The following RIMS2 variants were observed in gnomAD, a reference collection of about 807,000 sequenced individuals.
RIMS2 encodes the protein regulating synaptic membrane exocytosis 2, also known as regulating synaptic membrane exocytosis protein 2.
A neutral mutation model predicts 174.4 loss-of-function variants in RIMS2; 59 were observed. That is an observed-to-expected ratio of 0.34 (90% CI 0.27 to 0.42). The LOEUF is 0.42. Ranked by LOEUF, RIMS2 falls within the 10% of genes least tolerant of loss-of-function variation. RIMS2 has a pLI of 1.00. For missense variants in RIMS2, 1,620 were observed against 1,666.3 expected, an observed-to-expected ratio of 0.97 and a Z score of 0.48; for synonymous variants, 606 against 572.5, an observed-to-expected ratio of 1.06 and a Z score of -0.84.
chr8:103,544,579 C>T (rs2131359522), intron 1 of RIMS2, among the ~76,000 whole-genome samples: 1 of 152,354 alleles, frequency 6.6e-6, no homozygotes, highest in South Asian at 2.1e-4. Flanking sequence ...GCTAGAGCTT[C>T]CAGCCCAGTG....
chr8:104,223,040 T>TA (rs576054560), intron 19 of RIMS2, among the ~76,000 whole-genome samples: 19 of 152,074 alleles, frequency 1.2e-4, no homozygotes, highest in African/African-American at 2.7e-4. Context: ...TGAGGAGCGT[T>TA]AAAAAAAACT....
chr8:103,546,858 A>G (rs1303709263), intron 1 of RIMS2, among the ~76,000 whole-genome samples: 3 of 152,180 alleles, frequency 2.0e-5, no homozygotes, highest in Non-Finnish European at 2.9e-5. Flanking sequence ...CTTTCTGACC[A>G]GCTTTGCTTT....
At chr8:103,827,359 T>C (rs2098797697) in intron 3 of RIMS2, among the ~76,000 whole-genome samples, 1 of 152,230 alleles carries the variant, frequency 6.6e-6, no homozygotes, top group Non-Finnish European at 1.5e-5. Context: ...TTCTAATAGT[T>C]GCTTTGTAGA....
chr8:103,538,234 C>T (rs1840748666), intron 1 of RIMS2, among the ~76,000 whole-genome samples: 1 of 152,112 alleles, frequency 6.6e-6, no homozygotes, highest in African/African-American at 2.4e-5. Flanking sequence ...GCTTTTCTTT[C>T]TGTTTCTTCT....
intron 10 of RIMS2, among the ~76,000 whole-genome samples, chr8:103,926,166 T>C (rs1047059381): frequency 4.6e-5 from 7 of 151,548 alleles, no homozygotes; most frequent in African/African-American, 1.2e-4. Context: ...CTTGTAAAAA[T>C]ATTCTGTAAC....
chr8:104,006,407 G>A (rs181340184), intron 17 of RIMS2, among the ~76,000 whole-genome samples: 212 of 151,970 alleles, frequency 1.4e-3, no homozygotes, highest in African/African-American at 4.9e-3. Flanking sequence ...AAAATTAGCC[G>A]GGCGTGGTGG....
intron 16 of RIMS2, chr8:103,976,979 A>G (rs751673502): frequency 2.6e-5 from 4 of 152,248 alleles, no homozygotes; most frequent in Non-Finnish European, 5.9e-5. Flanking sequence ...AGTTGAAGCT[A>G]ACAAGAAATA....
intron 2 of RIMS2, among the ~76,000 whole-genome samples, chr8:103,733,348 C>T (rs1251853907): frequency 6.6e-6 from 1 of 152,024 alleles, no homozygotes; most frequent in Non-Finnish European, 1.5e-5. Context: ...AACGAAGTCT[C>T]TCCCAGTAGT....
chr8:103,822,927 A>G (rs986195312), intron 3 of RIMS2, among the ~76,000 whole-genome samples: 2 of 151,956 alleles, frequency 1.3e-5, no homozygotes, highest in East Asian at 1.9e-4. Context: ...TTGGAAGCAA[A>G]CATAAATATT....
intron 3 of RIMS2, among the ~76,000 whole-genome samples, chr8:103,827,319 T>C (rs767527714): frequency 4.5e-4 from 68 of 152,348 alleles, no homozygotes; most frequent in Non-Finnish European, 1.3e-4. Context: ...TAACCTTTTA[T>C]CTTTTAACCT....
intron 19 of RIMS2, among the ~76,000 whole-genome samples, chr8:104,033,807 T>A (rs570776055): frequency 2.0e-5 from 3 of 152,226 alleles, no homozygotes; most frequent in African/African-American, 7.2e-5. Flanking sequence ...TAAAGAATAT[T>A]TTTAATTATC....
At chr8:104,146,117 G>A (rs1399138496) in intron 19 of RIMS2, among the ~76,000 whole-genome samples, 1 of 145,560 alleles carries the variant, frequency 6.9e-6, no homozygotes, top group Non-Finnish European at 1.5e-5. Flanking sequence ...GTAATCCCAG[G>A]ACTTTGAGAG....
chr8:103,592,924 T>G (rs10105750), intron 1 of RIMS2, among the ~76,000 whole-genome samples: 2 of 151,186 alleles, frequency 1.3e-5, no homozygotes. Context: ...CTTCTACATA[T>G]TGGAGAATGA....
At chr8:103,946,741 A>G (rs2083901593) in intron 14 of RIMS2, among the ~76,000 whole-genome samples, 1 of 152,156 alleles carries the variant, frequency 6.6e-6, no homozygotes, top group Non-Finnish European at 1.5e-5. Flanking sequence ...TAAGCAGGAT[A>G]TTTTGCTGAA....
At chr8:104,179,651 A>C (rs1317741438) in intron 19 of RIMS2, among the ~76,000 whole-genome samples, 1 of 151,908 alleles carries the variant, frequency 6.6e-6, no homozygotes, top group East Asian at 1.9e-4. Flanking sequence ...GTAAAATAAC[A>C]GCAAATTATT....
intron 19 of RIMS2, among the ~76,000 whole-genome samples, chr8:104,135,173 T>C (rs182892116): frequency 6.6e-6 from 1 of 152,218 alleles, no homozygotes; most frequent in Admixed American, 6.5e-5. Context: ...GGTGAGAGAT[T>C]TGAATAGCAT....
At chr8:103,974,469 A>G (rs1271427390) in intron 15 of RIMS2, among the ~76,000 whole-genome samples, 1 of 152,124 alleles carries the variant, frequency 6.6e-6, no homozygotes, top group South Asian at 2.1e-4. Context: ...CAACCTTATG[A>G]TGTTTTAGAT....
intron 1 of RIMS2, among the ~76,000 whole-genome samples, chr8:103,521,527 C>G (rs970282170): frequency 6.6e-6 from 1 of 151,972 alleles, no homozygotes; most frequent in African/African-American, 2.4e-5. Flanking sequence ...AGCCATCTAC[C>G]TCAGCATCTG....
intron 19 of RIMS2, among the ~76,000 whole-genome samples, chr8:104,104,159 A>T (rs2097976226): frequency 6.6e-6 from 1 of 152,226 alleles, no homozygotes; most frequent in African/African-American, 2.4e-5. Context: ...TTTCTCAATC[A>T]CATAAGAAGT....
Sources: allele counts gnomAD v4.1 joint callset (sites outside exome capture counted in the v4.1 genomes callset), GRCh38; gene constraint gnomAD v4.1.1; transcripts MANE v1.5; gene names NCBI Gene and HGNC (gene_info 2026-07-23, HGNC 2026-07-21).